The following HSD17B11 variants were observed in gnomAD, a reference collection of about 807,000 sequenced individuals.
HSD17B11 encodes estradiol 17-beta-dehydrogenase 11.
A neutral mutation model predicts 27.8 loss-of-function variants in HSD17B11; 22 were observed. That is an observed-to-expected ratio of 0.79 (90% CI 0.56 to 1.13). The LOEUF (loss-of-function observed/expected upper bound fraction) is 1.13, where lower values mean the gene tolerates loss of function less well. Among genes scored for constraint, HSD17B11 ranks in the 50% most tolerant of loss-of-function variants. The probability of loss-of-function intolerance (pLI) is 0.00; values close to 1 mark genes in which losing one functional copy is unlikely to be tolerated. For synonymous variants in HSD17B11, 117 were observed against 132.8 expected (o/e 0.88, Z 0.82); for missense variants, 314 against 351.1 (o/e 0.89, Z 0.84).
chr4:87,373,111 G>C lies in HSD17B11; in HGVS notation c.451-296C>G, dbSNP rs1044246012. ...TCCCAGCACTTTGGGAGGCCAACTC[G>C]GGCAGATCACTTGAGGTCAGGAGTT... On this transcript the variant is annotated intron_variant, in intron 3 of 6. Coordinates refer to ENST00000358290, the MANE Select transcript of HSD17B11 (RefSeq NM_016245.5). 1.1e-5 allele frequency: 3 copies of C among 263,448 alleles called. No homozygotes were observed. In the Admixed American group the frequency reaches 1.6e-4, roughly 14 times the overall value. The allele number at this position is 263,448 out of a possible 1,614,324, so 16.3% of individuals were successfully genotyped here.
Position 87,340,560 on chromosome 4 carries a change from G to A in HSD17B11, c.742C>T (p.His248Tyr), listed in dbSNP as rs145655841. The A allele has an allele frequency of 2.5e-3, 4,038 of 1,613,052 alleles. 8 individuals are homozygous for A. Among genetic ancestry groups the A allele is most frequent in the Non-Finnish European group, 3.2e-3 (3,730 of 1,179,518 alleles). ...ATCTTCTGCTCAGTCAGAATCCCATGCATCAGCCTGTTTACCACTTCCTCA... is the reference window on the plus strand; with the variant it reads ...ATCTTCTGCTCAGTCAGAATCCCATACATCAGCCTGTTTACCACTTCCTCA... ...EPEEVVNRLM[H>Y]GILTEQKMIF... The change falls in exon 6 of 7, where the codon CAT (histidine) becomes TAT (tyrosine). Residue 248 changes from histidine to tyrosine, a missense_variant. Transcript: ENST00000358290.
At chr4:87,346,795 C>T (rs79888167) in intron 5 of HSD17B11, among the ~76,000 whole-genome samples, 10,837 of 151,834 alleles carry the variant, frequency 0.071, 652 homozygotes, top group East Asian at 0.32. Context: ...TGGCAGCTCA[C>T]GCCTATAGCC....
At chr4:87,390,216 C>T (rs1402171947) in intron 1 of HSD17B11, among the ~76,000 whole-genome samples, 2 of 152,196 alleles carry the variant, frequency 1.3e-5, no homozygotes, top group African/African-American at 2.4e-5. Flanking sequence ...AGTGCAGTGG[C>T]GCCATCTTGG....
chr4:87,374,878 G>C, intron 2 of HSD17B11, 48 bp from the exon 3 acceptor site: 98 of 1,380,586 alleles, frequency 7.1e-5, no homozygotes, highest in Middle Eastern at 5.2e-4. Flanking sequence ...AGGTATGAGG[G>C]TAAGTTTATA....
intron 1 of HSD17B11, among the ~76,000 whole-genome samples, chr4:87,388,435 T>G (rs1265295512): frequency 6.6e-6 from 1 of 152,182 alleles, no homozygotes; most frequent in African/African-American, 2.4e-5. Flanking sequence ...ACCTTTCTTG[T>G]GCTTCTCTCC....
At chr4:87,383,206 G>T (rs7682516) in intron 1 of HSD17B11, among the ~76,000 whole-genome samples, 51,377 of 151,988 alleles carry the variant, frequency 0.34, 9,569 homozygotes, top group African/African-American at 0.47. Context: ...GATCATAAAG[G>T]TCAAGGCCAG....
intron 2 of HSD17B11, among the ~76,000 whole-genome samples, chr4:87,379,533 A>G (rs917002735): frequency 1.6e-4 from 23 of 146,722 alleles, no homozygotes; most frequent in South Asian, 1.3e-3. Context: ...ATATATACAT[A>G]TACAGCATTA....
chr4:87,389,601 TC>T (rs1219772682), intron 1 of HSD17B11, among the ~76,000 whole-genome samples: 1 of 152,196 alleles, frequency 6.6e-6, no homozygotes, highest in Non-Finnish European at 1.5e-5. Flanking sequence ...TGTCACCCTA[TC>T]CCTAATGTCT....
intron 1 of HSD17B11, among the ~76,000 whole-genome samples, chr4:87,382,963 AG>A (rs907524632): frequency 4.0e-4 from 61 of 152,128 alleles, no homozygotes; most frequent in African/African-American, 1.4e-3. Context: ...TGATAATAAA[AG>A]ATTGAATATT....
chr4:87,378,595 C>T (rs944649076), intron 2 of HSD17B11, among the ~76,000 whole-genome samples: 4 of 150,594 alleles, frequency 2.7e-5, no homozygotes, highest in African/African-American at 9.8e-5. Context: ...AGGGCTAACT[C>T]ACAGGCAGTG....
intron 6 of HSD17B11, among the ~76,000 whole-genome samples, chr4:87,339,821 A>T (rs1024190393): frequency 3.9e-5 from 6 of 152,262 alleles, no homozygotes; most frequent in African/African-American, 1.4e-4. Context: ...CTCAGGCAGC[A>T]GCATTTTTTA....
intron 4 of HSD17B11, among the ~76,000 whole-genome samples, chr4:87,372,480 C>T (rs1299342887): frequency 1.3e-5 from 2 of 151,930 alleles, no homozygotes; most frequent in African/African-American, 2.4e-5. Flanking sequence ...AATACATTTC[C>T]GGCTGCTACC....
intron 1 of HSD17B11, among the ~76,000 whole-genome samples, chr4:87,383,378 A>G (rs1221555501): frequency 6.6e-6 from 1 of 152,226 alleles, no homozygotes; most frequent in Non-Finnish European, 1.5e-5. Context: ...GGAAGAAAAA[A>G]ACTGAGAGGC....
chr4:87,356,080 G>A (rs1202432698), intron 5 of HSD17B11, among the ~76,000 whole-genome samples: 1 of 152,146 alleles, frequency 6.6e-6, no homozygotes, highest in Non-Finnish European at 1.5e-5. Flanking sequence ...GATTCTTCGC[G>A]TACTGGATTG....
chr4:87,357,299 G>A lies in HSD17B11; in HGVS notation c.675C>T (p.Phe225=). 6.2e-7 allele frequency: 1 copy of A among 1,611,258 alleles called. No individual in the cohort carries two copies. Among genetic ancestry groups the A allele is most frequent in the Non-Finnish European group, 8.5e-7 (1 of 1,179,188 alleles). ...CTTACCTTGTACTTGGATTTTTGATGAAGCCAGTGTTTACGAAATTAGGAC... is the reference window on the plus strand; with the variant it reads ...CTTACCTTGTACTTGGATTTTTGATAAAGCCAGTGTTTACGAAATTAGGAC... ...CLCPNFVNTG[F]IKNPSTSLGP... is the part of the protein sequence containing the mutation. The change falls in exon 5 of 7, where the codon TTC becomes TTT. Residue 225 remains phenylalanine (F), a synonymous_variant. Coordinates refer to ENST00000358290, the MANE Select transcript of HSD17B11 (RefSeq NM_016245.5).
chr4:87,361,349 G>A (rs1490897404), intron 4 of HSD17B11, among the ~76,000 whole-genome samples: 1 of 152,202 alleles, frequency 6.6e-6, no homozygotes, highest in Admixed American at 6.5e-5. Context: ...AAAAGAGGAA[G>A]CATGAATAAT....
chr4:87,380,863 C>CAAAAAAAAAAAAAAAAAA (rs561938045), intron 2 of HSD17B11, among the ~76,000 whole-genome samples: 11 of 74,724 alleles, frequency 1.5e-4, no homozygotes, highest in South Asian at 5.6e-4. Context: ...GACTCTATCT[C>CAAAAAAAAAAAAAAAAAA]AAAAAAAAAA....
At chr4:87,376,418 T>C (rs1248459191) in intron 2 of HSD17B11, among the ~76,000 whole-genome samples, 1 of 147,910 alleles carries the variant, frequency 6.8e-6, no homozygotes, top group East Asian at 2.0e-4. Flanking sequence ...GGCAGGAGAA[T>C]CGCTTGAACC....
chr4:87,380,863 C>CAAA (rs561938045), intron 2 of HSD17B11, among the ~76,000 whole-genome samples: 1 of 74,726 alleles, frequency 1.3e-5, no homozygotes, highest in African/African-American at 5.4e-5. Flanking sequence ...GACTCTATCT[C>CAAA]AAAAAAAAAA....
Sources: allele counts gnomAD v4.1 joint callset (sites outside exome capture counted in the v4.1 genomes callset), GRCh38; gene constraint gnomAD v4.1.1; transcripts MANE v1.5; gene names NCBI Gene and HGNC (gene_info 2026-07-23, HGNC 2026-07-21).